The following PCDHGA1 variants were observed in gnomAD, a reference collection of about 807,000 sequenced individuals.
The protein encoded by PCDHGA1 is protocadherin gamma subfamily A, 1.
A neutral mutation model predicts 58.0 loss-of-function variants in PCDHGA1; 32 were observed. The observed-to-expected ratio is 0.55, with a 90% confidence interval of 0.42 to 0.74. The LOEUF is 0.74. Among genes scored for constraint, PCDHGA1 ranks in the 30% least tolerant of loss-of-function variants. The probability of loss-of-function intolerance (pLI) is 0.00; values close to 1 mark genes in which losing one functional copy is unlikely to be tolerated. For synonymous variants in PCDHGA1, 498 were observed against 501.1 expected (o/e 0.99, Z 0.08); for missense variants, 1,205 against 1,182.3 (o/e 1.02, Z -0.28).
At chr5:141,475,884 G>C (rs998700290) in intron 1 of PCDHGA1, 1 of 557,810 alleles carries the variant, frequency 1.8e-6, no homozygotes, top group Non-Finnish European at 3.2e-6. Flanking sequence ...TATTGGCTGG[G>C]ACTCTGTGTG....
chr5:141,410,009 T>G, intron 1 of PCDHGA1: 1 of 1,613,318 alleles, frequency 6.2e-7, no homozygotes, highest in Non-Finnish European at 8.5e-7. Context: ...ACACAACGCC[T>G]GGCTGTCCTA....
intron 1 of PCDHGA1, chr5:141,374,366 C>T: frequency 6.2e-7 from 1 of 1,614,052 alleles, no homozygotes; most frequent in Non-Finnish European, 8.5e-7. Flanking sequence ...CCGCGAGGAG[C>T]TCTGTGCTCA....
intron 1 of PCDHGA1, among the ~76,000 whole-genome samples, chr5:141,353,938 T>C (rs556753346): frequency 1.1e-3 from 168 of 152,368 alleles, no homozygotes; most frequent in Non-Finnish European, 2.0e-3. Flanking sequence ...CTACTGCTAA[T>C]TGTTAAGTGA....
intron 1 of PCDHGA1, among the ~76,000 whole-genome samples, chr5:141,448,214 G>A (rs2098576063): frequency 6.6e-6 from 1 of 152,092 alleles, no homozygotes; most frequent in Non-Finnish European, 1.5e-5. Context: ...CTGTGTGTAT[G>A]CGAATGTATG....
rs756466649 is a variant in PCDHGA1, at chr5:141,495,663, G to A, written c.2480+798G>A. 1.1e-3 allele frequency among the ~76,000 whole-genome samples: 169 copies of A among 152,164 alleles called. 3 individuals are homozygous for A. The highest frequency in any genetic ancestry group is 1.9e-3 in the Admixed American group (29 of 15,272). ...TTGTCTACTTGCATTGATCTGTGCCGCCCACTGTGCCTGCCATGGCATAAG... is the reference window on the plus strand; with the variant it reads ...TTGTCTACTTGCATTGATCTGTGCCACCCACTGTGCCTGCCATGGCATAAG... On this transcript the variant is annotated intron_variant, in intron 2 of 3. Coordinates refer to ENST00000517417, the MANE Select transcript of PCDHGA1 (RefSeq NM_018912.3).
chr5:141,420,118 T>C (rs2096468123), intron 1 of PCDHGA1: 2 of 1,613,844 alleles, frequency 1.2e-6, no homozygotes, highest in Admixed American at 1.7e-5. Flanking sequence ...ATGCCTATAA[T>C]TTTTGTGTGC....
At chr5:141,412,779 C>A (rs966431850) in intron 1 of PCDHGA1, among the ~76,000 whole-genome samples, 6 of 152,168 alleles carry the variant, frequency 3.9e-5, no homozygotes, top group Non-Finnish European at 7.3e-5. Context: ...ACAATATTTT[C>A]ACTCCACTTT....
chr5:141,356,586 T>A (rs898846586), intron 1 of PCDHGA1: 1 of 1,614,176 alleles, frequency 6.2e-7, no homozygotes, highest in Non-Finnish European at 8.5e-7. Flanking sequence ...CTTACATTCC[T>A]GAAAACAACC....
chr5:141,438,072 A>C (rs761630845), intron 1 of PCDHGA1, among the ~76,000 whole-genome samples: 1 of 152,158 alleles, frequency 6.6e-6, no homozygotes, highest in Non-Finnish European at 1.5e-5. Flanking sequence ...AACCATACTT[A>C]ATGGAAAATT....
intron 1 of PCDHGA1, chr5:141,384,517 C>G: frequency 6.2e-7 from 1 of 1,614,192 alleles, no homozygotes; most frequent in South Asian, 1.1e-5. Context: ...CAGCGGGGAC[C>G]CGCCTCTCAG....
Position 141,428,338 on chromosome 5 carries a change from T to C in PCDHGA1, c.2422-66469T>C, listed in dbSNP as rs575215422. 427 of 592,394 alleles carry C rather than the reference T, an allele frequency of 7.2e-4. 1 individual carries two copies. The highest frequency in any genetic ancestry group is 1.3e-3 in the Non-Finnish European group (409 of 326,444). 36.7% of individuals were successfully genotyped at this position (592,394 alleles called of 1,614,324 possible). ...CTTGGCCTTGATTTCTATGCTCTTC[T>C]TCCTCGCAGTGATTTTGGCGGTCGC... On this transcript the variant is annotated intron_variant, in intron 1 of 3. Coordinates refer to ENST00000517417, the MANE Select transcript of PCDHGA1 (RefSeq NM_018912.3).
chr5:141,485,341 G>C lies in PCDHGA1; in HGVS notation c.2422-9466G>C. 1.2e-6 allele frequency: 2 copies of C among 1,614,118 alleles called. No homozygotes were observed. Among genetic ancestry groups the C allele is most frequent in the Non-Finnish European group, 8.5e-7 (1 of 1,180,022 alleles). ...TCGCTCAAGATTTCCTGCTGGATAC[G>C]GACAGTCTGTCAGCTCGCAGGCTGC... On this transcript the variant is annotated intron_variant, in intron 1 of 3. Coordinates refer to ENST00000517417, the MANE Select transcript of PCDHGA1 (RefSeq NM_018912.3). The surrounding 1 kb of genome is among the most constrained non-coding windows in gnomAD (Gnocchi z 5.7).
intron 3 of PCDHGA1, 137 bp from the exon 4 acceptor site, chr5:141,510,810 A>T: frequency 6.6e-7 from 1 of 1,519,768 alleles, no homozygotes; most frequent in African/African-American, 1.4e-5. Context: ...TACCTTGGTG[A>T]CCCCTATATT....
intron 1 of PCDHGA1, chr5:141,372,005 G>C (rs1768294094): frequency 1.2e-6 from 2 of 1,613,304 alleles, no homozygotes; most frequent in East Asian, 2.2e-5. Flanking sequence ...CCCGCGACCA[G>C]GGCTCGCCTA....
At chr5:141,427,198 T>G (rs1345851173) in intron 1 of PCDHGA1, 1 of 456,584 alleles carries the variant, frequency 2.2e-6, no homozygotes, top group African/African-American at 2.0e-5. Flanking sequence ...AAAGACTTAA[T>G]AGACTTCGAA....
At chr5:141,358,633 A>G (rs537297166) in intron 1 of PCDHGA1, among the ~76,000 whole-genome samples, 1 of 152,348 alleles carries the variant, frequency 6.6e-6, no homozygotes, top group East Asian at 1.9e-4. Context: ...AATTTCAGTC[A>G]TATATAAGTA....
intron 1 of PCDHGA1, chr5:141,379,063 C>G (rs1026715251): frequency 6.6e-6 from 1 of 152,184 alleles, no homozygotes; most frequent in African/African-American, 2.4e-5. Flanking sequence ...GGATTGGCCA[C>G]TTGTGCATCT....
rs1387380695 is a variant in PCDHGA1 at position 141,331,413 on chromosome 5, T to C, written c.729T>C (p.Thr243=). Reference sequence around the variant, plus strand: ...CAAATGACAATCCTCCAGCATTTACTCAGGCACAATACCATATAAATGTCC... The same window carrying C: ...CAAATGACAATCCTCCAGCATTTACCCAGGCACAATACCATATAAATGTCC... ...VDANDNPPAF[T]QAQYHINVPE... The change falls in exon 1 of 4, where the codon ACT becomes ACC. Residue 243 remains threonine (T), a synonymous_variant. Transcript: ENST00000517417. The C allele has an allele frequency of 6.2e-7, 1 of 1,614,164 alleles. No individual in the cohort carries two copies. Among genetic ancestry groups the C allele is most frequent in the Non-Finnish European group, 8.5e-7 (1 of 1,180,030 alleles).
At chr5:141,372,087 C>T in intron 1 of PCDHGA1, 1 of 1,613,740 alleles carries the variant, frequency 6.2e-7, no homozygotes, top group South Asian at 1.1e-5. Context: ...GGTGCTGTAC[C>T]CAGCTCTGGG....
Sources: gnomAD v4.1 joint callset for allele counts (sites outside exome capture counted in the v4.1 genomes callset) on GRCh38, gnomAD v4.1.1 for gene constraint, Gnocchi (gnomAD v3.1) non-coding constraint, MANE v1.5 for transcripts, NCBI Gene and HGNC (gene_info 2026-07-23, HGNC 2026-07-21) for gene names.